The following SPCS1 variants were observed in gnomAD, a reference collection of about 807,000 sequenced individuals.
SPCS1 encodes signal peptidase complex subunit 1.
Under a neutral mutation model 16.4 loss-of-function variants are expected in SPCS1, and 10 were observed. The ratio of observed to expected loss-of-function variants is 0.61; its 90% confidence interval spans 0.38 to 1.03. The LOEUF is 1.03. Ranked by LOEUF, SPCS1 falls within the 50% of genes least tolerant of loss-of-function variation. SPCS1 has a pLI of 0.01. For missense variants in SPCS1, 118 were observed against 123.8 expected (o/e 0.95, Z 0.22); for synonymous variants, 47 against 42.5 (o/e 1.10, Z -0.41).
In SPCS1 at chr3:52,709,429, AG is replaced by A. The variant is rs1666619095; in HGVS notation, c.*1619del. On this transcript the variant is annotated 3_prime_UTR_variant, in exon 4 of 4. Coordinates refer to ENST00000619898, the MANE Select transcript of SPCS1 (RefSeq NM_014041.5). ...TTAATAAGAAAGTATGGGGGAAGTC[AG>A]GTGTGGTGGTTCATGCCTATAATCC... is the stretch of plus-strand genomic sequence containing the variant. The A allele has an allele frequency of 6.6e-6, 1 of 152,010 alleles. No individual in the cohort carries two copies. The highest frequency in any genetic ancestry group is 1.5e-5 in the Non-Finnish European group (1 of 68,012). 9.4% of individuals were successfully genotyped at this position (152,010 alleles called of 1,614,324 possible).
rs534720934 is a variant in SPCS1, at chr3:52,708,169, G to A, written c.*357G>A. 6.9e-4 allele frequency: 114 copies of A among 165,068 alleles called. No homozygotes were observed. Among genetic ancestry groups the A allele is most frequent in the Admixed American group, 8.9e-4 (15 of 16,876 alleles). The allele number at this position is 165,068 out of a possible 1,614,324, so 10.2% of individuals were successfully genotyped here. A position where few individuals can be genotyped will look rare whatever the true frequency, so the allele number is the denominator to read the frequency against. On this transcript the variant is annotated 3_prime_UTR_variant, in exon 4 of 4. Coordinates refer to ENST00000619898, the MANE Select transcript of SPCS1 (RefSeq NM_014041.5). ...TTTCCAATTAAACCTCATAGTGCAA[G>A]TTCTTTGTCTAAAGGGTCTTCTGTT...
chr3:52,710,444 A>G lies in SPCS1; in HGVS notation c.*2632A>G, dbSNP rs13079063. The G allele has an allele frequency of 0.46, 69,132 of 151,486 alleles. 16,084 individuals are homozygous for G. The highest frequency in any genetic ancestry group is 0.52 in the Admixed American group (7,944 of 15,204). 9.4% of individuals were successfully genotyped at this position (151,486 alleles called of 1,614,324 possible). A position where few individuals can be genotyped will look rare whatever the true frequency, so the allele number is the denominator to read the frequency against. On this transcript the variant is annotated 3_prime_UTR_variant, in exon 4 of 4. Transcript: ENST00000619898. The stretch of plus-strand genomic sequence containing the variant: ...TTGTGTGTGTGTGTAATTTTCAAAG[A>G]TAGATATATTTTTAGTTATAGAAAC...
At position 52,709,338 on chromosome 3, in the gene SPCS1, CAAGT is replaced by C. The variant is rs2097348016; in HGVS notation, c.*1529_*1532del. On this transcript the variant is annotated 3_prime_UTR_variant, in exon 4 of 4. Coordinates refer to ENST00000619898, the MANE Select transcript of SPCS1 (RefSeq NM_014041.5). ...AATTTAGGAAGATGAATTAAGCACT[CAAGT>C]AAAAACGATAAAAGTGGGAAGAAAA... 1 of 151,908 alleles carries C rather than the reference CAAGT, an allele frequency of 6.6e-6. No homozygotes were observed. The allele number at this position is 151,908 out of a possible 1,614,324, so 9.4% of individuals were successfully genotyped here.
rs770210832 is a variant in SPCS1, at chr3:52,706,161, C to G, written c.-86C>G. 4 of 1,544,748 alleles carry G rather than the reference C, an allele frequency of 2.6e-6. No individual in the cohort carries two copies. Among genetic ancestry groups the G allele is most frequent in the Non-Finnish European group, 2.6e-6 (3 of 1,149,082 alleles). On this transcript the variant is annotated 5_prime_UTR_variant, in exon 1 of 4. Transcript: ENST00000619898. ...CCGGCTACTGACGCGCAGTGCCAGA[C>G]CTTACCCCTCACGGTCCTTAAGTCT...
At position 52,707,687 on chromosome 3, in the gene SPCS1, C is replaced by G. The variant is rs1023828317; in HGVS notation, c.184C>G (p.Leu62Val). The change falls in exon 4 of 4, where the codon CTG (leucine) becomes GTG (valine). Residue 62 changes from leucine (L) to valine (V), a missense_variant and splice_region_variant. Coordinates refer to ENST00000619898, the MANE Select transcript of SPCS1 (RefSeq NM_014041.5). Reference protein sequence around the residue: ...VMAGFAFSCLLTLPPWPIYRR... With the variant: ...VMAGFAFSCLVTLPPWPIYRR... ...ATGCATTTCCTCTTTTCTGGCCCAGCTGACACTTCCTCCATGGCCCATCTA... is the reference window on the plus strand; with the variant it reads ...ATGCATTTCCTCTTTTCTGGCCCAGGTGACACTTCCTCCATGGCCCATCTA... The G allele has an allele frequency of 5.6e-6, 9 of 1,613,250 alleles. No individual in the cohort carries two copies. The highest frequency in any genetic ancestry group is 2.2e-5 in the East Asian group (1 of 44,876).
chr3:52,707,758 A>C lies in SPCS1; in HGVS notation c.255A>C (p.Thr85=). 6.2e-7 allele frequency: 1 copy of C among 1,614,176 alleles called. No homozygotes were observed. Among genetic ancestry groups the C allele is most frequent in the South Asian group, 1.1e-5 (1 of 91,078 alleles). ...LKWLPVQESS[T]DDKKPGERKI... Reference sequence around the variant, plus strand: ...GGTTACCTGTTCAAGAATCAAGCACAGACGACAAGAAACCAGGGGAAAGAA... The same window carrying C: ...GGTTACCTGTTCAAGAATCAAGCACCGACGACAAGAAACCAGGGGAAAGAA... Residue 85 remains threonine, a synonymous_variant, in exon 4 of 4, where the codon ACA becomes ACC. Transcript: ENST00000619898.
rs767766873 is a variant in SPCS1 at position 52,706,785 on chromosome 3, G to T, written c.97-8G>T. 6.8e-6 allele frequency: 11 copies of T among 1,613,246 alleles called. No individual in the cohort carries two copies. In the East Asian group the frequency reaches 1.8e-4, roughly 26 times the overall value. On this transcript the variant is annotated splice_region_variant and splice_polypyrimidine_tract_variant and intron_variant, in intron 2 of 3. Transcript: ENST00000619898. Reference sequence around the variant, plus strand: ...TGAGTGTGTTTAATATACTTCATTTGTCTCTAGATAGTTGGATTTATCTAC... The same window carrying T: ...TGAGTGTGTTTAATATACTTCATTTTTCTCTAGATAGTTGGATTTATCTAC...
At position 52,706,832 on chromosome 3, in the gene SPCS1, G is replaced by A. The variant is rs779227389; in HGVS notation, c.136G>A (p.Gly46Arg). ...CTACGGGTACGTGGCTGAACAGTTCGGGTGGACTGTCTATATAGTTATGGC... is the reference window on the plus strand; with the variant it reads ...CTACGGGTACGTGGCTGAACAGTTCAGGTGGACTGTCTATATAGTTATGGC... ...FIYGYVAEQF[G>R]WTVYIVMAGF... The change falls in exon 3 of 4, where the codon GGG (glycine) becomes AGG (arginine). Residue 46 changes from glycine to arginine, a missense_variant. Physicochemically the swap from Gly to Arg is moderately radical, Grantham distance 125. Transcript: ENST00000619898. The A allele has an allele frequency of 8.7e-6, 14 of 1,614,022 alleles. No individual in the cohort carries two copies. The highest frequency in any genetic ancestry group is 1.2e-5 in the Non-Finnish European group (14 of 1,179,948).
chr3:52,707,651 A>G lies in SPCS1; in HGVS notation c.184-36A>G, dbSNP rs765655416. 2.5e-6 allele frequency: 4 copies of G among 1,597,808 alleles called. No individual in the cohort carries two copies. The Admixed American group carries it at 5.4e-5, about 21-fold the overall frequency. On this transcript the variant is annotated intron_variant, in intron 3 of 3. Coordinates refer to ENST00000619898, the MANE Select transcript of SPCS1 (RefSeq NM_014041.5). ...CGTAATGATTTTTTAAACTTTTAATAGCTATAATTTATGCATTTCCTCTTT... is the reference window on the plus strand; with the variant it reads ...CGTAATGATTTTTTAAACTTTTAATGGCTATAATTTATGCATTTCCTCTTT...
At chr3:52,707,323 C>G in intron 3 of SPCS1, 1 of 206,810 alleles carries the variant, frequency 4.8e-6, no homozygotes, top group Non-Finnish European at 9.8e-6. Context: ...GAGCCCACCA[C>G]CACACCCAGC....
At chr3:52,706,511 T>G in intron 1 of SPCS1, 133 bp from the exon 2 acceptor site, 1 of 906,952 alleles carries the variant, frequency 1.1e-6, no homozygotes, top group Non-Finnish European at 1.7e-6. Context: ...GAATTTAATA[T>G]CTTGCCCAGG....
Position 52,710,268 on chromosome 3 carries a change from G to A in SPCS1, c.*2456G>A, listed in dbSNP as rs960800266. The A allele has an allele frequency of 6.6e-6, 1 of 151,984 alleles. No individual in the cohort carries two copies. Among genetic ancestry groups the A allele is most frequent in the African/African-American group, 2.4e-5 (1 of 41,354 alleles). 9.4% of individuals were successfully genotyped at this position (151,984 alleles called of 1,614,324 possible). ...TAGTCCCAGCTACTCGAGAGGATGA[G>A]GTAGGAGAATGGAGTGAACCTGGGA... On this transcript the variant is annotated 3_prime_UTR_variant, in exon 4 of 4. Coordinates refer to ENST00000619898, the MANE Select transcript of SPCS1 (RefSeq NM_014041.5).
Position 52,707,750 on chromosome 3 carries a change from T to G in SPCS1, c.247T>G (p.Ser83Ala), listed in dbSNP as rs746889570. The G allele has an allele frequency of 1.2e-6, 2 of 1,614,110 alleles. No individual in the cohort carries two copies. The highest frequency in any genetic ancestry group is 1.7e-6 in the Non-Finnish European group (2 of 1,180,016). Residue 83 changes from serine (S) to alanine (A), a missense_variant, in exon 4 of 4, where the codon TCA becomes GCA. Transcript: ENST00000619898. ...TCTCAAGTGGTTACCTGTTCAAGAA[T>G]CAAGCACAGACGACAAGAAACCAGG... ...HPLKWLPVQE[S>A]STDDKKPGER...
At chr3:52,707,116 A>G (rs1214194726) in intron 3 of SPCS1, 1 of 502,084 alleles carries the variant, frequency 2.0e-6, no homozygotes, top group Non-Finnish European at 3.6e-6. Flanking sequence ...TTAAGGTCAA[A>G]GCCAGCAGGA....
At position 52,706,839 on chromosome 3, in the gene SPCS1, C is replaced by A; in HGVS notation, c.143C>A (p.Thr48Asn). 6.2e-7 allele frequency: 1 copy of A among 1,614,044 alleles called. No individual in the cohort carries two copies. The highest frequency in any genetic ancestry group is 8.5e-7 in the Non-Finnish European group (1 of 1,179,996). ...TACGTGGCTGAACAGTTCGGGTGGACTGTCTATATAGTTATGGCCGGATTT... is the reference window on the plus strand; with the variant it reads ...TACGTGGCTGAACAGTTCGGGTGGAATGTCTATATAGTTATGGCCGGATTT... Reference protein sequence around the residue: ...YGYVAEQFGWTVYIVMAGFAF... With the variant: ...YGYVAEQFGWNVYIVMAGFAF... The change falls in exon 3 of 4, where the codon ACT becomes AAT. Residue 48 changes from threonine (T) to asparagine (N), a missense_variant. Transcript: ENST00000619898.
rs1314174392 is a variant in SPCS1 at position 52,707,210 on chromosome 3, C to T, written c.183+331C>T. ...TTGAGACGGAGTTTCACTCTTGTTGCCCAGGCTGCAGTGCACTGGGGCGAT... is the reference window on the plus strand; with the variant it reads ...TTGAGACGGAGTTTCACTCTTGTTGTCCAGGCTGCAGTGCACTGGGGCGAT... On this transcript the variant is annotated intron_variant, in intron 3 of 3. Coordinates refer to ENST00000619898, the MANE Select transcript of SPCS1 (RefSeq NM_014041.5). 5 of 237,440 alleles carry T rather than the reference C, an allele frequency of 2.1e-5. 1 individual carries two copies. In the South Asian group the frequency reaches 2.3e-4, roughly 11 times the overall value. The allele number at this position is 237,440 out of a possible 1,614,324, so 14.7% of individuals were successfully genotyped here.
In SPCS1 at chr3:52,709,773, TA is replaced by T. The variant is rs1288384323; in HGVS notation, c.*1962del. The T allele has an allele frequency of 4.1e-5, 6 of 144,610 alleles. No homozygotes were observed. The highest frequency in any genetic ancestry group is 1.5e-4 in the African/African-American group (6 of 39,538). The allele number at this position is 144,610 out of a possible 1,614,324, so 9.0% of individuals were successfully genotyped here. ...TAATAAAATACCTACTTTATACCAA[TA>T]CATTAGAAAAATTAAGTAAAACTGA... On this transcript the variant is annotated 3_prime_UTR_variant, in exon 4 of 4. Coordinates refer to ENST00000619898, the MANE Select transcript of SPCS1 (RefSeq NM_014041.5).
rs781501431 is a variant in SPCS1, at chr3:52,706,216, C to A, written c.-31C>A. On this transcript the variant is annotated 5_prime_UTR_variant, in exon 1 of 4. Transcript: ENST00000619898. ...CGCCCTCGCCTCGCAGCCTGCCACCCGCGCTCAGCTGCCCGCCTCCTCAGC... is the reference window on the plus strand; with the variant it reads ...CGCCCTCGCCTCGCAGCCTGCCACCAGCGCTCAGCTGCCCGCCTCCTCAGC... The A allele has an allele frequency of 6.3e-7, 1 of 1,577,470 alleles. No individual in the cohort carries two copies. The highest frequency in any genetic ancestry group is 1.1e-5 in the South Asian group (1 of 88,072).
Position 52,709,705 on chromosome 3 carries a change from A to G in SPCS1, c.*1893A>G, listed in dbSNP as rs1274441090. 6.8e-6 allele frequency: 1 copy of G among 146,806 alleles called. No individual in the cohort carries two copies. The highest frequency in any genetic ancestry group is 1.5e-5 in the Non-Finnish European group (1 of 65,346). 9.1% of individuals were successfully genotyped at this position (146,806 alleles called of 1,614,324 possible). A position where few individuals can be genotyped will look rare whatever the true frequency, so the allele number is the denominator to read the frequency against. On this transcript the variant is annotated 3_prime_UTR_variant, in exon 4 of 4. Coordinates refer to ENST00000619898, the MANE Select transcript of SPCS1 (RefSeq NM_014041.5). Reference sequence around the variant, plus strand: ...GACAGAGCAAGACCCTGTCTCAAAAAAAAAAAAAAAAAAAAAAGATATGGG... The same window carrying G: ...GACAGAGCAAGACCCTGTCTCAAAAGAAAAAAAAAAAAAAAAAGATATGGG...
Sources: gnomAD v4.1 joint callset for allele counts on GRCh38, gnomAD v4.1.1 for gene constraint, MANE v1.5 for transcripts, NCBI Gene and HGNC (gene_info 2026-07-23, HGNC 2026-07-21) for gene names.